ZNF793: variants seen among roughly 807,000 people sequenced by gnomAD.
ZNF793 encodes zinc finger protein 793.
A neutral mutation model predicts 12.4 loss-of-function variants in ZNF793; 5 were observed. That is an observed-to-expected ratio of 0.40 (90% CI 0.21 to 0.84). The LOEUF (loss-of-function observed/expected upper bound fraction) is 0.84, where lower values mean the gene tolerates loss of function less well. Ranked by LOEUF, ZNF793 falls within the 40% of genes least tolerant of loss-of-function variation. The pLI is 0.35. For synonymous variants in ZNF793, 162 were observed against 172.4 expected (o/e 0.94, Z 0.47); for missense variants, 456 against 495.0 (o/e 0.92, Z 0.75).
chr19:37,539,263 G>T lies in ZNF793; in HGVS notation c.*1384G>T, dbSNP rs543430077. On this transcript the variant is annotated 3_prime_UTR_variant, in exon 8 of 8. Transcript: ENST00000627814. The stretch of plus-strand genomic sequence containing the variant: ...ACAGTACACTGTTCATATTTTCTTA[G>T]TCTTGCTTAAAATATCTTGTAGCAA... The T allele has an allele frequency of 2.6e-5, 4 of 152,200 alleles. No individual in the cohort carries two copies. Among genetic ancestry groups the T allele is most frequent in the African/African-American group, 7.2e-5 (3 of 41,538 alleles). The allele number at this position is 152,200 out of a possible 1,614,324, so 9.4% of individuals were successfully genotyped here.
rs368875781 is a variant in ZNF793, at chr19:37,538,068, T to G, written c.*189T>G. 8 of 591,774 alleles carry G rather than the reference T, an allele frequency of 1.4e-5. No individual in the cohort carries two copies. The highest frequency in any genetic ancestry group is 3.3e-5 in the East Asian group (1 of 30,232). 36.7% of individuals were successfully genotyped at this position (591,774 alleles called of 1,614,324 possible). Reference sequence around the variant, plus strand: ...CTGGGACTACAGGTGCCCACCACCATGCCCGGCTAATTTTTTTTTTGTATT... The same window carrying G: ...CTGGGACTACAGGTGCCCACCACCAGGCCCGGCTAATTTTTTTTTTGTATT... On this transcript the variant is annotated 3_prime_UTR_variant, in exon 8 of 8. Transcript: ENST00000627814.
In ZNF793 at chr19:37,542,945, C is replaced by T. The variant is rs2042561160; in HGVS notation, c.*5066C>T. The T allele has an allele frequency of 6.6e-6, 1 of 151,534 alleles. No individual in the cohort carries two copies. Among genetic ancestry groups the T allele is most frequent in the Non-Finnish European group, 1.5e-5 (1 of 67,892 alleles). 9.4% of individuals were successfully genotyped at this position (151,534 alleles called of 1,614,324 possible). On this transcript the variant is annotated 3_prime_UTR_variant, in exon 8 of 8. Transcript: ENST00000627814. ...GTCAGGGGTGTAGGGAAAAGGAAAA[C>T]CAAAAAAGAAAAATACATAAATGAC...
chr19:37,521,617 A>G (rs1366568163), intron 3 of ZNF793, among the ~76,000 whole-genome samples: 3 of 150,140 alleles, frequency 2.0e-5, no homozygotes, highest in Non-Finnish European at 4.4e-5. Flanking sequence ...CTAATTTTGT[A>G]CTTTTAGTAG....
intron 7 of ZNF793, chr19:37,533,646 G>T (rs2147104921): frequency 2.0e-6 from 1 of 508,532 alleles, no homozygotes; most frequent in Non-Finnish European, 3.5e-6. Flanking sequence ...TCCCATGCAG[G>T]TATTCTTACA....
chr19:37,535,159 A>G (rs1009125100), intron 7 of ZNF793: 6 of 151,726 alleles, frequency 4.0e-5, no homozygotes, highest in African/African-American at 1.5e-4. Context: ...ACCCCCAGCT[A>G]ATTTTTGTAT....
chr19:37,530,090 G>T (rs1253257936), intron 5 of ZNF793, among the ~76,000 whole-genome samples: 1 of 151,902 alleles, frequency 6.6e-6, no homozygotes, highest in Non-Finnish European at 1.5e-5. Flanking sequence ...TCATAGACAA[G>T]GTAAATAATT....
At chr19:37,516,068 G>A (rs1240552649) in intron 2 of ZNF793, among the ~76,000 whole-genome samples, 1 of 151,912 alleles carries the variant, frequency 6.6e-6, no homozygotes, top group East Asian at 1.9e-4. Flanking sequence ...ATAAGTTGAG[G>A]TAGAAGATAC....
At position 37,536,978 on chromosome 19, in the gene ZNF793, C is replaced by T. The variant is rs368352700; in HGVS notation, c.320C>T (p.Thr107Ile). Residue 107 changes from threonine to isoleucine, a missense_variant, in exon 8 of 8, where the codon ACA becomes ATA. Thr to Ile is a moderately conservative substitution (Grantham distance 89). Coordinates refer to ENST00000627814, the MANE Select transcript of ZNF793 (RefSeq NM_001013659.3). ...CCAGGCGCAGCCATAAGCAAGAAAACATTGCCCAAGGAGAAAAGCTGTGAA... is the reference window on the plus strand; with the variant it reads ...CCAGGCGCAGCCATAAGCAAGAAAATATTGCCCAAGGAGAAAAGCTGTGAA... Reference protein sequence around the residue: ...LRPGAAISKKTLPKEKSCEYN... With the variant: ...LRPGAAISKKILPKEKSCEYN... The T allele has an allele frequency of 6.2e-6, 10 of 1,613,966 alleles. No homozygotes were observed. Among genetic ancestry groups the T allele is most frequent in the Non-Finnish European group, 6.8e-6 (8 of 1,179,864 alleles).
intron 2 of ZNF793, among the ~76,000 whole-genome samples, chr19:37,514,609 GAT>G (rs1568786279): frequency 5.8e-5 from 8 of 137,586 alleles, no homozygotes; most frequent in African/African-American, 2.0e-4. Context: ...TAGATAGATA[GAT>G]AGACTCTTCC....
Position 37,539,491 on chromosome 19 carries a change from A to T in ZNF793, c.*1612A>T, listed in dbSNP as rs1192426958. ...TAAATCCCAAGGTTTTAATTATTTC[A>T]ATGTTTGGAAAGAAGTCTGCTTCCC... is the stretch of plus-strand genomic sequence containing the variant. On this transcript the variant is annotated 3_prime_UTR_variant, in exon 8 of 8. Coordinates refer to ENST00000627814, the MANE Select transcript of ZNF793 (RefSeq NM_001013659.3). The T allele has an allele frequency of 6.6e-6, 1 of 152,154 alleles. No individual in the cohort carries two copies. The highest frequency in any genetic ancestry group is 1.5e-5 in the Non-Finnish European group (1 of 68,010). 9.4% of individuals were successfully genotyped at this position (152,154 alleles called of 1,614,324 possible). A position where few individuals can be genotyped will look rare whatever the true frequency, so the allele number is the denominator to read the frequency against.
At chr19:37,518,171 G>T (rs1007259304) in intron 2 of ZNF793, among the ~76,000 whole-genome samples, 1 of 152,154 alleles carries the variant, frequency 6.6e-6, no homozygotes, top group East Asian at 1.9e-4. Flanking sequence ...TGTCGCCCAG[G>T]CTGGAGTGCA....
chr19:37,523,466 A>G lies in ZNF793; in HGVS notation c.15+12A>G, dbSNP rs146374902. On this transcript the variant is annotated intron_variant, in intron 5 of 7. Transcript: ENST00000627814. Reference sequence around the variant, plus strand: ...TGATCGAATACCAGGTAAGTATCACATTAAGTAGCCCAGTTTTCCTTCCTG... The same window carrying G: ...TGATCGAATACCAGGTAAGTATCACGTTAAGTAGCCCAGTTTTCCTTCCTG... The G allele has an allele frequency of 7.7e-5, 124 of 1,613,300 alleles. No homozygotes were observed. The highest frequency in any genetic ancestry group is 9.9e-5 in the Non-Finnish European group (117 of 1,179,386).
chr19:37,525,114 A>G (rs889654586), intron 5 of ZNF793, among the ~76,000 whole-genome samples: 10 of 152,004 alleles, frequency 6.6e-5, no homozygotes, highest in African/African-American at 2.2e-4. Context: ...AAGTGAAAAT[A>G]CAAATGATTT....
Position 37,533,464 on chromosome 19 carries a change from T to C in ZNF793, c.238+61T>C. The stretch of plus-strand genomic sequence containing the variant: ...GGAGGCTGGCACCTTTGGAATTTTG[T>C]TCAGCATTCTTCTCTTAAAAGCCTT... On this transcript the variant is annotated intron_variant, in intron 7 of 7. Transcript: ENST00000627814. 2.1e-6 allele frequency: 3 copies of C among 1,459,932 alleles called. No individual in the cohort carries two copies. In the South Asian group the frequency reaches 3.4e-5, roughly 17 times the overall value. 90.4% of individuals were successfully genotyped at this position (1,459,932 alleles called of 1,614,324 possible).
At chr19:37,523,566 A>T in intron 5 of ZNF793, 112 bp downstream of exon 5, 1 of 1,021,876 alleles carries the variant, frequency 9.8e-7, no homozygotes, top group Non-Finnish European at 1.5e-6. Flanking sequence ...CTGGGTTCTC[A>T]GGGAAGCTGA....
chr19:37,508,728 TAAAC>T (rs562589602), intron 2 of ZNF793, among the ~76,000 whole-genome samples: 4 of 151,912 alleles, frequency 2.6e-5, no homozygotes, highest in Admixed American at 6.6e-5. Flanking sequence ...TAAATATAAA[TAAAC>T]AAAATAAAAT....
At chr19:37,512,930 A>T (rs1017846793) in intron 2 of ZNF793, among the ~76,000 whole-genome samples, 32 of 150,760 alleles carry the variant, frequency 2.1e-4, no homozygotes, top group African/African-American at 7.6e-4. Context: ...GTTCTCGGTC[A>T]TTTTTTTTTA....
At chr19:37,507,754 T>A (rs2042262069) in intron 1 of ZNF793, among the ~76,000 whole-genome samples, 1 of 152,168 alleles carries the variant, frequency 6.6e-6, no homozygotes, top group Non-Finnish European at 1.5e-5. Context: ...GCAATCAGTG[T>A]GGATTCATGA....
intron 2 of ZNF793, among the ~76,000 whole-genome samples, chr19:37,508,857 G>C (rs1336681691): frequency 6.6e-6 from 1 of 152,134 alleles, no homozygotes; most frequent in Non-Finnish European, 1.5e-5. Flanking sequence ...GGAATTTATT[G>C]TATTCTGAGA....
Sources: gnomAD v4.1 joint callset for allele counts (sites outside exome capture counted in the v4.1 genomes callset) on GRCh38, gnomAD v4.1.1 for gene constraint, MANE v1.5 for transcripts, NCBI Gene and HGNC (gene_info 2026-07-23, HGNC 2026-07-21) for gene names.